The following BICD1 variants were observed in gnomAD, a reference collection of about 807,000 sequenced individuals.
The protein encoded by BICD1 is protein bicaudal D homolog 1.
In BICD1, 35 loss-of-function variants were observed where a neutral mutation model predicts 92.5. The ratio of observed to expected loss-of-function variants is 0.38; its 90% CI spans 0.29 to 0.50. BICD1 has a LOEUF of 0.50. Among genes scored for constraint, BICD1 ranks in the 20% least tolerant of loss-of-function variants. The probability of loss-of-function intolerance (pLI) is 0.93; values close to 1 mark genes in which losing one functional copy is unlikely to be tolerated. For synonymous variants in BICD1, 429 were observed against 465.1 expected, an observed-to-expected ratio of 0.92 and a Z score of 1.00; for missense variants, 950 against 1,189.8, an observed-to-expected ratio of 0.80 and a Z score of 2.97.
intron 1 of BICD1, among the ~76,000 whole-genome samples, chr12:32,120,972 T>TA (rs1362894828): frequency 6.7e-6 from 1 of 150,118 alleles, no homozygotes; most frequent in East Asian, 2.0e-4. Context: ...CATAGAATTT[T>TA]TTTTTTTTTT....
At chr12:32,322,841 C>T (rs1948692465) in intron 4 of BICD1, among the ~76,000 whole-genome samples, 1 of 152,218 alleles carries the variant, frequency 6.6e-6, no homozygotes, top group Non-Finnish European at 1.5e-5. Flanking sequence ...GCTTCAGACA[C>T]ATTCAGTACA....
At chr12:32,252,001 A>ATATATATTTATAATAT (rs1294507795) in intron 2 of BICD1, among the ~76,000 whole-genome samples, 3 of 121,046 alleles carry the variant, frequency 2.5e-5, no homozygotes, top group African/African-American at 9.5e-5. Context: ...TATATTTATA[A>ATATATATTTATAATAT]TATATATTTA....
chr12:32,168,119 G>T (rs1231041467), intron 1 of BICD1, among the ~76,000 whole-genome samples: 1 of 151,872 alleles, frequency 6.6e-6, no homozygotes, highest in East Asian at 1.9e-4. Context: ...TTGAAAGTTG[G>T]ATATATTTTT....
At position 32,227,862 on chromosome 12, in the gene BICD1, C is replaced by T. The variant is rs189441014; in HGVS notation, c.426+11403C>T. ...AACCCCAGCCCTCCCAGCCATCTCC[C>T]GCTTCACCCTTCACTGTTCTTTTGA... is the stretch of plus-strand genomic sequence containing the variant. On this transcript the variant is annotated intron_variant, in intron 2 of 9. Coordinates refer to ENST00000652176, the MANE Select transcript of BICD1 (RefSeq NM_001714.4). The T allele has an allele frequency of 9.8e-4, 151 of 154,380 alleles. 2 individuals carry two copies. Among genetic ancestry groups the T allele is most frequent in the Non-Finnish European group, 1.7e-3 (116 of 68,374 alleles). 9.6% of individuals were successfully genotyped at this position (154,380 alleles called of 1,614,324 possible). A position where few individuals can be genotyped will look rare whatever the true frequency, so the allele number is the denominator to read the frequency against.
chr12:32,171,780 A>G (rs1373394975), intron 1 of BICD1, among the ~76,000 whole-genome samples: 1 of 152,092 alleles, frequency 6.6e-6, no homozygotes, highest in Non-Finnish European at 1.5e-5. Context: ...CTAAAAATGT[A>G]AAAATTAGCT....
chr12:32,173,565 G>A lies in BICD1; in HGVS notation c.214-42682G>A, dbSNP rs1052613062. On this transcript the variant is annotated intron_variant, in intron 1 of 9. Coordinates refer to ENST00000652176, the MANE Select transcript of BICD1 (RefSeq NM_001714.4). ...GTAAATGTTCTCTAAGAAAGAAAAC[G>A]AAAAAATAATGGCTAGAGTCATGTT... Among the ~76,000 whole-genome samples, 8 of 151,950 alleles carry A rather than the reference G, an allele frequency of 5.3e-5. No homozygotes were observed. In the South Asian group the frequency reaches 6.2e-4, roughly 12 times the overall value.
chr12:32,317,892 G>A (rs1185164475), intron 4 of BICD1, among the ~76,000 whole-genome samples: 1 of 152,002 alleles, frequency 6.6e-6, no homozygotes, highest in Non-Finnish European at 1.5e-5. Flanking sequence ...TTTTGTATAA[G>A]GTGTAAGGAA....
At chr12:32,315,271 A>C (rs891323810) in intron 4 of BICD1, among the ~76,000 whole-genome samples, 4 of 152,236 alleles carry the variant, frequency 2.6e-5, no homozygotes, top group Non-Finnish European at 5.9e-5. Context: ...TCAACTGGTC[A>C]TAGATGTATA....
At chr12:32,180,180 T>C (rs912218748) in intron 1 of BICD1, among the ~76,000 whole-genome samples, 2 of 151,852 alleles carry the variant, frequency 1.3e-5, no homozygotes, top group Non-Finnish European at 2.9e-5. Context: ...GCCGTCTATG[T>C]CCCTGAGCTT....
intron 1 of BICD1, among the ~76,000 whole-genome samples, chr12:32,196,554 T>G (rs911013432): frequency 2.0e-5 from 3 of 152,220 alleles, no homozygotes; most frequent in African/African-American, 7.2e-5. Flanking sequence ...TGTTTTGTCT[T>G]ACTTATATGT....
chr12:32,348,019 T>G (rs931832690), intron 8 of BICD1, among the ~76,000 whole-genome samples: 1 of 152,212 alleles, frequency 6.6e-6, no homozygotes, highest in African/African-American at 2.4e-5. Context: ...GAGTAAACCA[T>G]TCCATGCTAC....
At chr12:32,158,040 C>G (rs1447942256) in intron 1 of BICD1, among the ~76,000 whole-genome samples, 1 of 151,632 alleles carries the variant, frequency 6.6e-6, no homozygotes, top group Non-Finnish European at 1.5e-5. Flanking sequence ...GTGGCTCACA[C>G]CTGTAATCCC....
chr12:32,165,229 G>A (rs1485971198), intron 1 of BICD1, among the ~76,000 whole-genome samples: 2 of 152,120 alleles, frequency 1.3e-5, no homozygotes, highest in Non-Finnish European at 2.9e-5. Context: ...AAAAGTATTT[G>A]AGTTGGCCGG....
At position 32,215,975 on chromosome 12, in the gene BICD1, A is replaced by G. The variant is rs184023452; in HGVS notation, c.214-272A>G. On this transcript the variant is annotated intron_variant, in intron 1 of 9. Transcript: ENST00000652176. ...TCTCAAAAAAAAAAAAAAAAAAAAA[A>G]GGAGAACATAAAGCAAGTAACAATG... 5.9e-4 allele frequency among the ~76,000 whole-genome samples: 85 copies of G among 144,072 alleles called. 1 individual carries two copies. Among genetic ancestry groups the G allele is most frequent in the South Asian group, 2.2e-3 (10 of 4,464 alleles). 94.5% of individuals were successfully genotyped at this position (144,072 alleles called of 152,430 possible).
At chr12:32,364,158 T>C (rs1406269983) in intron 8 of BICD1, among the ~76,000 whole-genome samples, 2 of 152,168 alleles carry the variant, frequency 1.3e-5, no homozygotes, top group African/African-American at 2.4e-5. Context: ...TGACACAAAA[T>C]AGGAGTTTAG....
At chr12:32,304,442 A>G (rs1012870996) in intron 3 of BICD1, among the ~76,000 whole-genome samples, 6 of 152,144 alleles carry the variant, frequency 3.9e-5, no homozygotes, top group Admixed American at 1.3e-4. Flanking sequence ...GCAAATGCAC[A>G]TTGAACAGCA....
rs371170570 is a variant in BICD1, at chr12:32,343,727, T to G, written c.2764+4748T>G. Among the ~76,000 whole-genome samples, 7 of 152,352 alleles carry G rather than the reference T, an allele frequency of 4.6e-5. No individual in the cohort carries two copies. The East Asian group carries it at 1.4e-3, about 29-fold the overall frequency. On this transcript the variant is annotated intron_variant, in intron 8 of 9. Coordinates refer to ENST00000652176, the MANE Select transcript of BICD1 (RefSeq NM_001714.4). ...ACTCAGCTAGTTTAAGAGAATGGTA[T>G]TATTTTGAAGTCTGAAAATGTTTCT...
chr12:32,258,610 G>A (rs12231822), intron 2 of BICD1, among the ~76,000 whole-genome samples: 16,709 of 151,852 alleles, frequency 0.11, 1,032 homozygotes, highest in East Asian at 0.22. Context: ...ACAAGACAAC[G>A]GGGCAGGGTA....
At chr12:32,332,795 T>C (rs933464117) in intron 5 of BICD1, 2 of 916,572 alleles carry the variant, frequency 2.2e-6, no homozygotes, top group Non-Finnish European at 2.6e-6. Flanking sequence ...AGAGAGGCTT[T>C]GGAGTGACAA....
Sources: gnomAD v4.1 joint callset for allele counts (sites outside exome capture counted in the v4.1 genomes callset) on GRCh38, gnomAD v4.1.1 for gene constraint, MANE v1.5 for transcripts, NCBI Gene and HGNC (gene_info 2026-07-23, HGNC 2026-07-21) for gene names.